The following NCOA7 variants were observed in gnomAD, a reference collection of about 807,000 sequenced individuals.
NCOA7 encodes 140 kDa estrogen receptor-associated protein.
A neutral mutation model predicts 104.3 loss-of-function variants in NCOA7; 45 were observed. The observed-to-expected ratio is 0.43, with a 90% CI of 0.34 to 0.55. The LOEUF (loss-of-function observed/expected upper bound fraction) is 0.55, where lower values mean the gene tolerates loss of function less well. NCOA7 is among the 20% of genes least tolerant of loss of function. NCOA7 has a pLI of 0.02. For synonymous variants in NCOA7, 398 were observed against 402.3 expected, an observed-to-expected ratio of 0.99 and a Z score of 0.13; for missense variants, 1,041 against 1,119.7, an observed-to-expected ratio of 0.93 and a Z score of 1.00.
chr6:125,835,042 G>T (rs1779497236), intron 2 of NCOA7, among the ~76,000 whole-genome samples: 1 of 152,154 alleles, frequency 6.6e-6, no homozygotes, highest in African/African-American at 2.4e-5. Flanking sequence ...TCTGCAGCCT[G>T]ATAATTTAAA....
At chr6:125,879,459 G>A (rs1374328308) in intron 5 of NCOA7, among the ~76,000 whole-genome samples, 1 of 152,094 alleles carries the variant, frequency 6.6e-6, no homozygotes, top group Non-Finnish European at 1.5e-5. Context: ...TTAATGAGTG[G>A]TTACCAGTTT....
At chr6:125,793,314 C>G (rs1395892088) in intron 1 of NCOA7, among the ~76,000 whole-genome samples, 1 of 152,162 alleles carries the variant, frequency 6.6e-6, no homozygotes, top group Non-Finnish European at 1.5e-5. Context: ...AAAGCCCTCC[C>G]CTTTGGTTAC....
intron 3 of NCOA7, among the ~76,000 whole-genome samples, chr6:125,861,161 A>G (rs1346631148): frequency 2.6e-5 from 4 of 152,244 alleles, no homozygotes; most frequent in Non-Finnish European, 4.4e-5. Flanking sequence ...AAAAAAATAA[A>G]TGAAATCCTC....
At position 125,889,594 on chromosome 6, in the gene NCOA7, C is replaced by T. The variant is rs764814940; in HGVS notation, c.1540C>T (p.His514Tyr). The T allele has an allele frequency of 1.2e-6, 2 of 1,613,680 alleles. No individual in the cohort carries two copies. The highest frequency in any genetic ancestry group is 1.7e-6 in the Non-Finnish European group (2 of 1,179,960). ...ESRVENTLNI[H>Y]EDLDKVKLIE... ...CCGAGTAGAAAACACACTGAACATA[C>T]ATGAAGATTTAGATAAAGTTAAACT... The change falls in exon 9 of 16, where the codon CAT becomes TAT. Residue 514 changes from histidine to tyrosine, a missense_variant. This residue lies in a region of NCOA7 where 914 missense variants were observed against 942.7 expected (regional missense o/e 0.97). Transcript: ENST00000392477.
In NCOA7 at chr6:125,928,866, T is replaced by A; in HGVS notation, c.*95T>A. The A allele has an allele frequency of 7.4e-7, 1 of 1,347,862 alleles. No individual in the cohort carries two copies. The highest frequency in any genetic ancestry group is 1.0e-6 in the Non-Finnish European group (1 of 993,244). The allele number at this position is 1,347,862 out of a possible 1,614,324, so 83.5% of individuals were successfully genotyped here. On this transcript the variant is annotated 3_prime_UTR_variant, in exon 16 of 16. Transcript: ENST00000392477. ...AAAAGAAGCCCCAGCCCAGCCTGCC[T>A]CATCCCACCCCAATGCTTCCTTTCT...
intron 14 of NCOA7, 84 bp downstream of exon 14, chr6:125,927,842 T>C: frequency 3.5e-6 from 4 of 1,138,426 alleles, no homozygotes; most frequent in South Asian, 1.2e-5. Flanking sequence ...GGCAGCTAGC[T>C]GTCCTGTAAC....
At chr6:125,826,008 T>C (rs1422702511) in intron 2 of NCOA7, among the ~76,000 whole-genome samples, 1 of 152,210 alleles carries the variant, frequency 6.6e-6, no homozygotes, top group African/African-American at 2.4e-5. Flanking sequence ...CATGTATTCA[T>C]ATTTAAGCAC....
At chr6:125,846,223 G>T (rs529546885) in intron 2 of NCOA7, among the ~76,000 whole-genome samples, 1 of 151,960 alleles carries the variant, frequency 6.6e-6, no homozygotes, top group Non-Finnish European at 1.5e-5. Flanking sequence ...GCTTCTGACT[G>T]TCTTGGCTTC....
chr6:125,864,022 G>A, intron 3 of NCOA7, among the ~76,000 whole-genome samples: 1 of 110,406 alleles, frequency 9.1e-6, no homozygotes, highest in African/African-American at 4.0e-5. Flanking sequence ...AGGTTTTTTT[G>A]GGGGGGGCAG....
At chr6:125,893,089 A>AG (rs61348191) in intron 10 of NCOA7, among the ~76,000 whole-genome samples, 81 of 152,336 alleles carry the variant, frequency 5.3e-4, no homozygotes, top group African/African-American at 1.8e-3. Context: ...GAAGTCCTTA[A>AG]GGGGGAGCTA....
At chr6:125,881,845 T>TTTG (rs1281283497) in intron 6 of NCOA7, among the ~76,000 whole-genome samples, 2 of 151,894 alleles carry the variant, frequency 1.3e-5, no homozygotes, top group African/African-American at 2.4e-5. Flanking sequence ...TAGTGTTTAT[T>TTTG]TTGTTGTTGT....
At chr6:125,805,396 CT>C (rs1038930958) in intron 1 of NCOA7, among the ~76,000 whole-genome samples, 3 of 151,946 alleles carry the variant, frequency 2.0e-5, no homozygotes, top group African/African-American at 7.2e-5. Flanking sequence ...TGCCCAGCCC[CT>C]GTCTTGTTCT....
chr6:125,849,451 G>A (rs1004082786), intron 2 of NCOA7, among the ~76,000 whole-genome samples: 2 of 152,194 alleles, frequency 1.3e-5, no homozygotes, highest in African/African-American at 2.4e-5. Context: ...AGCCCATAGC[G>A]TAATTTGTCT....
intron 3 of NCOA7, among the ~76,000 whole-genome samples, chr6:125,856,077 A>G (rs185036119): frequency 1.3e-5 from 2 of 152,304 alleles, no homozygotes; most frequent in Non-Finnish European, 2.9e-5. Flanking sequence ...ACATGCATAC[A>G]TGGATTTTGT....
At position 125,805,087 on chromosome 6, in the gene NCOA7, CTTTTTTTTTTT is replaced by C. The variant is rs59737297; in HGVS notation, c.-64-10186_-64-10176del. 5.2e-4 allele frequency among the ~76,000 whole-genome samples: 30 copies of C among 58,038 alleles called. No homozygotes were observed. In the East Asian group the frequency reaches 6.1e-3, roughly 12 times the overall value. The allele number at this position is 58,038 out of a possible 152,430, so 38.1% of individuals were successfully genotyped here. A position where few individuals can be genotyped will look rare whatever the true frequency, so the allele number is the denominator to read the frequency against. On this transcript the variant is annotated intron_variant, in intron 1 of 15. Coordinates refer to ENST00000392477, the MANE Select transcript of NCOA7 (RefSeq NM_181782.5). Reference sequence around the variant, plus strand: ...ATAAAGCTGGGTTCACCCTCTTGTTCTTTTTTTTTTTTTTTTTTTTTTTTTTTTGACAGAGT... The same window carrying C: ...ATAAAGCTGGGTTCACCCTCTTGTTCTTTTTTTTTTTTTTTTTGACAGAGT...
At chr6:125,878,536 G>T (rs975128773) in intron 5 of NCOA7, among the ~76,000 whole-genome samples, 166 bp downstream of exon 5, 1 of 151,796 alleles carries the variant, frequency 6.6e-6, no homozygotes, top group South Asian at 2.1e-4. Context: ...TTGAGACAGG[G>T]TCTTGCTCTG....
intron 2 of NCOA7, among the ~76,000 whole-genome samples, chr6:125,831,493 T>TC (rs1467298225): frequency 1.3e-5 from 2 of 152,064 alleles, no homozygotes; most frequent in Non-Finnish European, 2.9e-5. Flanking sequence ...TGTTTTTTTT[T>TC]TTTCCTACTT....
intron 3 of NCOA7, among the ~76,000 whole-genome samples, chr6:125,860,009 T>A (rs564425344): frequency 9.2e-5 from 14 of 152,282 alleles, no homozygotes; most frequent in African/African-American, 2.9e-4. Context: ...GTGATTACAT[T>A]GAGGCAGATG....
chr6:125,914,977 A>T (rs919555249), intron 10 of NCOA7, among the ~76,000 whole-genome samples: 2 of 152,208 alleles, frequency 1.3e-5, no homozygotes, highest in African/African-American at 4.8e-5. Context: ...AAAGCTTCAG[A>T]TCTACATTTT....
Sources: allele counts gnomAD v4.1 joint callset (sites outside exome capture counted in the v4.1 genomes callset), GRCh38; gene constraint gnomAD v4.1.1; regional missense constraint gnomAD v4.1.1; transcripts MANE v1.5; gene names NCBI Gene and HGNC (gene_info 2026-07-23, HGNC 2026-07-21).